Variants in MSI2 observed in about 807,000 individuals in gnomAD.
MSI2 encodes the protein musashi RNA binding protein 2.
A neutral mutation model predicts 45.6 loss-of-function variants in MSI2; 17 were observed. That is an observed-to-expected ratio of 0.37 (90% confidence interval 0.26 to 0.56). The LOEUF (loss-of-function observed/expected upper bound fraction) is 0.56. MSI2 is among the 20% of genes least tolerant of loss of function. The pLI, the probability that MSI2 is intolerant of heterozygous loss-of-function variation, is 0.77. For missense variants in MSI2, 293 were observed against 444.2 expected (o/e 0.66, Z 3.06); for synonymous variants, 156 against 158.2 (o/e 0.99, Z 0.11).
intron 10 of MSI2, among the ~76,000 whole-genome samples, chr17:57,645,949 A>T (rs1318207833): frequency 1.3e-5 from 2 of 152,146 alleles, no homozygotes; most frequent in African/African-American, 4.8e-5. Flanking sequence ...CCCTCCAGGG[A>T]CGTTGAATGT....
intron 5 of MSI2, among the ~76,000 whole-genome samples, chr17:57,383,307 C>T (rs949497335): frequency 2.6e-5 from 4 of 152,226 alleles, no homozygotes; most frequent in Non-Finnish European, 4.4e-5. Flanking sequence ...CGCCCATCAG[C>T]CTGTTTTAAG....
At chr17:57,698,012 C>T in the MSI2 span, among the ~76,000 whole-genome samples, 16 of 152,290 alleles carry the variant, frequency 1.1e-4, no homozygotes, top group African/African-American at 3.6e-4. Flanking sequence ...GTCACACTTG[C>T]TCACCTCCCT....
chr17:57,551,018 A>G (rs1475502571), intron 7 of MSI2, among the ~76,000 whole-genome samples: 1 of 152,146 alleles, frequency 6.6e-6, no homozygotes, highest in Non-Finnish European at 1.5e-5. Flanking sequence ...ATTTATTTTA[A>G]TGATTAAAGA....
chr17:57,609,435 C>T (rs948084551), intron 8 of MSI2, among the ~76,000 whole-genome samples: 1 of 152,222 alleles, frequency 6.6e-6, no homozygotes, highest in Non-Finnish European at 1.5e-5. Flanking sequence ...GCCTCTCCCT[C>T]TGGAGGACTA....
At chr17:57,630,268 A>G (rs1909245776) in intron 10 of MSI2, 1 of 152,264 alleles carries the variant, frequency 6.6e-6, no homozygotes, top group South Asian at 2.1e-4. Flanking sequence ...TGTCATGGCC[A>G]CAGTCCCTGC....
At chr17:57,398,475 A>G (rs1436873588) in intron 5 of MSI2, among the ~76,000 whole-genome samples, 1 of 152,254 alleles carries the variant, frequency 6.6e-6, no homozygotes, top group Non-Finnish European at 1.5e-5. Flanking sequence ...ATCTGAAAGC[A>G]TGTAGAGATG....
At chr17:57,360,874 G>A (rs890870981) in intron 5 of MSI2, among the ~76,000 whole-genome samples, 2 of 152,190 alleles carry the variant, frequency 1.3e-5, no homozygotes, top group African/African-American at 4.8e-5. Context: ...TTCAGCAGAG[G>A]CTAATTATGG....
the MSI2 span, among the ~76,000 whole-genome samples, chr17:57,696,227 C>T: frequency 5.3e-5 from 8 of 152,302 alleles, no homozygotes; most frequent in South Asian, 2.1e-4. Flanking sequence ...TCCCTCCTCC[C>T]GCCATGTTGG....
At chr17:57,456,904 G>A (rs984832192) in intron 6 of MSI2, among the ~76,000 whole-genome samples, 11 of 152,146 alleles carry the variant, frequency 7.2e-5, no homozygotes, top group Non-Finnish European at 1.3e-4. Context: ...GGAGCAAGGC[G>A]TATTTTCCCA....
chr17:57,438,845 A>C (rs915671212), intron 6 of MSI2, among the ~76,000 whole-genome samples: 1 of 149,512 alleles, frequency 6.7e-6, no homozygotes. Context: ...CTTGTTGCCC[A>C]GGCTGGAGTG....
intron 5 of MSI2, among the ~76,000 whole-genome samples, chr17:57,367,909 C>G (rs1917319229): frequency 6.6e-6 from 1 of 152,122 alleles, no homozygotes; most frequent in African/African-American, 2.4e-5. Context: ...GCCGCAAGTT[C>G]TCTTCCAGTG....
chr17:57,314,727 A>C (rs1246600599), intron 5 of MSI2, among the ~76,000 whole-genome samples: 1 of 151,798 alleles, frequency 6.6e-6, no homozygotes, highest in East Asian at 1.9e-4. Flanking sequence ...ACGTGCCACC[A>C]CACCCAGCTA....
Position 57,518,655 on chromosome 17 carries a change from G to T in MSI2, c.406-11021G>T, listed in dbSNP as rs557902538. 1.9e-3 allele frequency among the ~76,000 whole-genome samples: 296 copies of T among 152,322 alleles called. 1 individual carries two copies. The highest frequency in any genetic ancestry group is 3.0e-3 in the Non-Finnish European group (202 of 68,024). On this transcript the variant is annotated intron_variant, in intron 6 of 13. Transcript: ENST00000284073. ...TGCCTCTCTCCTCTGGAGCTGGCAG[G>T]CTTGGGCCTTTTTCATGGTAGGTGA...
intron 5 of MSI2, among the ~76,000 whole-genome samples, chr17:57,332,012 TTAA>T (rs1567761852): frequency 6.6e-6 from 1 of 152,136 alleles, no homozygotes; most frequent in Admixed American, 6.5e-5. Flanking sequence ...GTATGGAAAT[TTAA>T]TAATAGAAAA....
intron 6 of MSI2, among the ~76,000 whole-genome samples, chr17:57,466,039 C>G (rs1195995576): frequency 6.6e-6 from 1 of 152,162 alleles, no homozygotes; most frequent in Non-Finnish European, 1.5e-5. Context: ...GGTGCACACT[C>G]CCCCTGAGGA....
intron 6 of MSI2, among the ~76,000 whole-genome samples, chr17:57,481,986 C>T (rs1395055932): frequency 2.6e-5 from 4 of 152,220 alleles, no homozygotes; most frequent in Non-Finnish European, 5.9e-5. Flanking sequence ...GTTGCTATGG[C>T]ACCTCAAGAT....
chr17:57,580,283 C>T (rs865866372), intron 7 of MSI2, among the ~76,000 whole-genome samples: 2 of 152,232 alleles, frequency 1.3e-5, no homozygotes, highest in African/African-American at 2.4e-5. Context: ...CTCCTGCCCC[C>T]ACCAAACCAA....
intron 8 of MSI2, chr17:57,601,714 C>G (rs1905899999): frequency 6.6e-6 from 1 of 152,312 alleles, no homozygotes; most frequent in South Asian, 2.1e-4. Context: ...TGAAAGGTGC[C>G]TGGGACGAGG....
At chr17:57,484,387 T>A (rs1286591727) in intron 6 of MSI2, among the ~76,000 whole-genome samples, 2 of 152,248 alleles carry the variant, frequency 1.3e-5, no homozygotes, top group Admixed American at 1.3e-4. Flanking sequence ...TCACCTGGAA[T>A]GTTCTGTAGA....
Sources: allele counts gnomAD v4.1 joint callset (sites outside exome capture counted in the v4.1 genomes callset), GRCh38; gene constraint gnomAD v4.1.1; transcripts MANE v1.5; gene names NCBI Gene and HGNC (gene_info 2026-07-23, HGNC 2026-07-21).